Variants in MTMR14 observed in about 807,000 individuals in gnomAD.
MTMR14 encodes myotubularin related protein 14, also known as phosphatidylinositol-3,5-bisphosphate 3-phosphatase MTMR14.
In MTMR14, 48 loss-of-function variants were observed where a neutral mutation model predicts 86.3. The observed-to-expected ratio is 0.56, with a 90% CI of 0.44 to 0.71. MTMR14 has a LOEUF of 0.71. Ranked by LOEUF, MTMR14 falls within the 30% of genes least tolerant of loss-of-function variation. The probability of loss-of-function intolerance (pLI) is 0.00; values close to 1 mark genes in which losing one functional copy is unlikely to be tolerated. For missense variants in MTMR14, 780 were observed against 834.6 expected, an observed-to-expected ratio of 0.93 and a Z score of 0.81; for synonymous variants, 366 against 326.1, an observed-to-expected ratio of 1.12 and a Z score of -1.32.
intron 13 of MTMR14, among the ~76,000 whole-genome samples, chr3:9,687,558 TAA>T (rs756707748): frequency 3.7e-5 from 5 of 133,448 alleles, no homozygotes; most frequent in African/African-American, 2.7e-5. Context: ...CTGTCTCAAA[TAA>T]AAAAAAAAAA....
At chr3:9,685,978 C>T (rs569148771) in intron 13 of MTMR14, among the ~76,000 whole-genome samples, 8 of 152,084 alleles carry the variant, frequency 5.3e-5, no homozygotes, top group Admixed American at 2.6e-4. Context: ...GTCCAGGTGC[C>T]CAGCATGGAA....
At chr3:9,671,918 C>T (rs1490665484) in intron 6 of MTMR14, among the ~76,000 whole-genome samples, 8 of 152,210 alleles carry the variant, frequency 5.3e-5, no homozygotes, top group African/African-American at 1.4e-4. Flanking sequence ...GCTCACCTAT[C>T]TTCAGATCTG....
At chr3:9,668,108 G>A (rs957106534) in intron 3 of MTMR14, among the ~76,000 whole-genome samples, 2 of 152,000 alleles carry the variant, frequency 1.3e-5, no homozygotes, top group Admixed American at 1.3e-4. Context: ...CCAGTTGCCC[G>A]TTTCTAGAAT....
chr3:9,682,657 T>G (rs766056122), intron 9 of MTMR14, among the ~76,000 whole-genome samples: 19 of 152,254 alleles, frequency 1.2e-4, no homozygotes, highest in Non-Finnish European at 1.3e-4. Flanking sequence ...CATCAAAAGA[T>G]AGTATGCAGT....
At chr3:9,683,963 C>CTCAT (rs2075854405) in intron 10 of MTMR14, among the ~76,000 whole-genome samples, 1 of 152,186 alleles carries the variant, frequency 6.6e-6, no homozygotes, top group African/African-American at 2.4e-5. Context: ...TGAGCTTATG[C>CTCAT]TCATTGGCCC....
rs1043623672 is a variant in MTMR14 at position 9,689,867 on chromosome 3, A to G, written c.1434-97A>G. On this transcript the variant is annotated intron_variant, in intron 16 of 18. Coordinates refer to ENST00000296003, the MANE Select transcript of MTMR14 (RefSeq NM_001077525.3). ...TTGCCAACTCATGTGATGTTTTCCC[A>G]GTGGAAGTAAAGCCTAGGCCTGAAA... 27 of 1,210,880 alleles carry G rather than the reference A, an allele frequency of 2.2e-5. No individual in the cohort carries two copies. In the African/African-American group the frequency reaches 3.6e-4, roughly 16 times the overall value. The allele number at this position is 1,210,880 out of a possible 1,614,324, so 75.0% of individuals were successfully genotyped here.
rs148145664 is a variant in MTMR14 at position 9,685,370 on chromosome 3, C to T, written c.1164+123C>T. The T allele has an allele frequency of 2.2e-5, 26 of 1,168,036 alleles. 1 individual carries two copies. The Admixed American group carries it at 3.6e-4, about 16-fold the overall frequency. The allele number at this position is 1,168,036 out of a possible 1,614,324, so 72.4% of individuals were successfully genotyped here. A position where few individuals can be genotyped will look rare whatever the true frequency, so the allele number is the denominator to read the frequency against. ...CCCCAGGTGTGCAGGGATGTGGCCC[C>T]CTGTCATCTCCTCCTGAGGCAGCGT... On this transcript the variant is annotated intron_variant, in intron 13 of 18. Transcript: ENST00000296003.
intron 9 of MTMR14, among the ~76,000 whole-genome samples, chr3:9,680,729 C>T (rs900018887): frequency 7.9e-5 from 12 of 152,098 alleles, no homozygotes; most frequent in African/African-American, 2.2e-4. Context: ...GCCAGCTACT[C>T]GGGAGACTGA....
chr3:9,663,893 A>G (rs1172191707), intron 3 of MTMR14, among the ~76,000 whole-genome samples: 1 of 151,260 alleles, frequency 6.6e-6, no homozygotes, highest in Non-Finnish European at 1.5e-5. Flanking sequence ...GGTTCAAGCA[A>G]TTCTCCTGCC....
intron 2 of MTMR14, 185 bp downstream of exon 2, chr3:9,653,954 G>C: frequency 1.4e-6 from 1 of 738,316 alleles, no homozygotes; most frequent in Non-Finnish European, 2.3e-6. Flanking sequence ...TAGAATGAGG[G>C]GTTGGGAGTA....
rs754025073 is a variant in MTMR14 at position 9,668,755 on chromosome 3, G to A, written c.454G>A (p.Glu152Lys). The A allele has an allele frequency of 6.2e-7, 1 of 1,614,186 alleles. No homozygotes were observed. The highest frequency in any genetic ancestry group is 1.7e-5 in the Admixed American group (1 of 60,016). ...GTCGGCCACACTGGCTGGATGGGGA[G>A]AGCTGTATGGACGCTCAGGCTACAA... ...CRSATLAGWG[E>K]LYGRSGYNYF... is the part of the protein sequence containing the mutation. The change falls in exon 4 of 19, where the codon GAG (glutamate) becomes AAG (lysine). Residue 152 changes from glutamate to lysine, a missense_variant. Physicochemically the swap from Glu to Lys is moderately conservative, Grantham distance 56 (BLOSUM62 1). Coordinates refer to ENST00000296003, the MANE Select transcript of MTMR14 (RefSeq NM_001077525.3).
rs557587518 is a variant in MTMR14, at chr3:9,680,515, A to C, written c.897+2457A>C. 2.6e-5 allele frequency among the ~76,000 whole-genome samples: 4 copies of C among 152,356 alleles called. No individual in the cohort carries two copies. The South Asian group carries it at 8.3e-4, about 32-fold the overall frequency. ...GTACATGGCCTACCCAGCTCCATGC[A>C]GTCTGGTCTTGCCTGTTCTTGTGAC... On this transcript the variant is annotated intron_variant, in intron 9 of 18. Transcript: ENST00000296003.
At chr3:9,684,806 T>G (rs1172090074) in intron 11 of MTMR14, 82 bp from the exon 12 acceptor site, 1 of 1,559,166 alleles carries the variant, frequency 6.4e-7, no homozygotes, top group East Asian at 2.2e-5. Flanking sequence ...TTCTTCAGCC[T>G]GCGTTGTCAC....
At position 9,657,073 on chromosome 3, in the gene MTMR14, C is replaced by T. The variant is rs373089087; in HGVS notation, c.308+3304C>T. Among the ~76,000 whole-genome samples the T allele has an allele frequency of 4.6e-5, 7 of 152,204 alleles. No homozygotes were observed. In the South Asian group the frequency reaches 1.2e-3, roughly 27 times the overall value. On this transcript the variant is annotated intron_variant, in intron 2 of 18. Transcript: ENST00000296003. Reference sequence around the variant, plus strand: ...GAATATGGGCACATACCACCACTCCCAGCTGATTTTTTTTAATTTTTAGTA... The same window carrying T: ...GAATATGGGCACATACCACCACTCCTAGCTGATTTTTTTTAATTTTTAGTA...
At chr3:9,683,393 C>T (rs528709308) in intron 10 of MTMR14, 149 bp downstream of exon 10, 98 of 744,640 alleles carry the variant, frequency 1.3e-4, no homozygotes, top group Non-Finnish European at 2.0e-4. Flanking sequence ...ATCCCAGAGG[C>T]TGGGTGGGAT....
intron 10 of MTMR14, 133 bp downstream of exon 10, chr3:9,683,377 C>T (rs2075834135): frequency 1.2e-6 from 1 of 825,372 alleles, no homozygotes; most frequent in African/African-American, 1.7e-5. Flanking sequence ...TTGGGGAGTT[C>T]CTAGAATCCC....
At chr3:9,685,798 C>T (rs2075926480) in intron 13 of MTMR14, among the ~76,000 whole-genome samples, 1 of 152,188 alleles carries the variant, frequency 6.6e-6, no homozygotes, top group East Asian at 1.9e-4. Context: ...TCTGCGCCCC[C>T]ATCCTGTCGG....
In MTMR14 at chr3:9,672,719, C is replaced by G; in HGVS notation, c.712C>G (p.Arg238Gly). The change falls in exon 7 of 19, where the codon CGC becomes GGC. Residue 238 changes from arginine (R) to glycine (G), a missense_variant. Arg to Gly is a moderately radical substitution (Grantham distance 125, BLOSUM62 -2). Transcript: ENST00000296003. ...TSSEKVDKAQ[R>G]YADFTLLSIP... ...CTCTGAGAAGGTGGACAAAGCCCAG[C>G]GCTATGCCGACTTCACTCTCCTCTC... is the stretch of plus-strand genomic sequence containing the variant. 10 of 1,614,150 alleles carry G rather than the reference C, an allele frequency of 6.2e-6. No individual in the cohort carries two copies. Among genetic ancestry groups the G allele is most frequent in the Admixed American group, 1.7e-5 (1 of 60,024 alleles).
chr3:9,667,415 T>C (rs1257360583), intron 3 of MTMR14, among the ~76,000 whole-genome samples: 2 of 152,140 alleles, frequency 1.3e-5, no homozygotes, highest in Admixed American at 6.5e-5. Context: ...TCCCTGGAAA[T>C]GTAAGTAGAT....
Sources: allele counts gnomAD v4.1 joint callset (sites outside exome capture counted in the v4.1 genomes callset), GRCh38; gene constraint gnomAD v4.1.1; transcripts MANE v1.5; gene names NCBI Gene and HGNC (gene_info 2026-07-23, HGNC 2026-07-21).